The following COL5A1 variants were observed in gnomAD, a reference collection of about 807,000 sequenced individuals.
COL5A1 encodes the protein collagen alpha-1(V) chain.
Under a neutral mutation model 263.7 loss-of-function variants are expected in COL5A1, and 16 were observed. The observed-to-expected ratio is 0.06, with a 90% CI of 0.04 to 0.09. COL5A1 has a LOEUF of 0.09. Among genes scored for constraint, COL5A1 ranks in the 10% least tolerant of loss-of-function variants. The pLI is 1.00. For missense variants in COL5A1, 2,036 were observed against 2,540.5 expected, an observed-to-expected ratio of 0.80 and a Z score of 4.27; for synonymous variants, 1,012 against 1,004.5, an observed-to-expected ratio of 1.01 and a Z score of -0.14.
intron 3 of COL5A1, 75 bp from the exon 4 acceptor site, chr9:134,701,096 G>A (rs140481953): frequency 3.3e-5 from 49 of 1,504,634 alleles, no homozygotes; most frequent in Admixed American, 2.4e-4. Context: ...CCTGTGTCTC[G>A]AGGAATTTGC....
At chr9:134,654,918 G>A (rs1831893043) in intron 1 of COL5A1, among the ~76,000 whole-genome samples, 1 of 118,986 alleles carries the variant, frequency 8.4e-6, no homozygotes, top group Non-Finnish European at 1.8e-5. Flanking sequence ...GGTGTTTGTA[G>A]GGCTGGGGGT....
At chr9:134,661,392 C>T (rs993275756) in intron 1 of COL5A1, among the ~76,000 whole-genome samples, 10 of 151,504 alleles carry the variant, frequency 6.6e-5, no homozygotes, top group South Asian at 4.2e-4. Flanking sequence ...TGCAGCAGGG[C>T]GTGTGTGTGA....
At chr9:134,814,226 A>G (rs558203389) in intron 49 of COL5A1, among the ~76,000 whole-genome samples, 190 bp downstream of exon 49, 4 of 152,348 alleles carry the variant, frequency 2.6e-5, no homozygotes, top group African/African-American at 9.6e-5. Flanking sequence ...ATGTACACGC[A>G]GACCTAGCAA....
At chr9:134,800,405 A>C (rs1336544742) in intron 37 of COL5A1, among the ~76,000 whole-genome samples, 1 of 152,198 alleles carries the variant, frequency 6.6e-6, no homozygotes, top group African/African-American at 2.4e-5. Context: ...TCTAGCCCAC[A>C]GCTGAGCTGG....
chr9:134,767,552 C>T (rs1162140885), intron 24 of COL5A1, among the ~76,000 whole-genome samples, 198 bp downstream of exon 24: 1 of 152,186 alleles, frequency 6.6e-6, no homozygotes, highest in Admixed American at 6.5e-5. Context: ...TTGATTCATA[C>T]GTTTATTCAT....
intron 1 of COL5A1, among the ~76,000 whole-genome samples, chr9:134,644,576 G>A (rs903891376): frequency 5.8e-5 from 8 of 138,362 alleles, no homozygotes; most frequent in African/African-American, 2.3e-4. Context: ...GCTGTCCACT[G>A]GAGAGGCAGG....
At chr9:134,808,153 T>G (rs986451196) in intron 42 of COL5A1, among the ~76,000 whole-genome samples, 1 of 152,324 alleles carries the variant, frequency 6.6e-6, no homozygotes, top group East Asian at 1.9e-4. Context: ...GGAGGAATGG[T>G]AAGACGAAAT....
At chr9:134,731,194 A>T (rs1834866901) in intron 7 of COL5A1, among the ~76,000 whole-genome samples, 1 of 152,160 alleles carries the variant, frequency 6.6e-6, no homozygotes, top group African/African-American at 2.4e-5. Context: ...CCGCCCTGGG[A>T]TGCATTATCG....
At chr9:134,751,157 C>T (rs974858458) in intron 13 of COL5A1, among the ~76,000 whole-genome samples, 2 of 150,086 alleles carry the variant, frequency 1.3e-5, no homozygotes, top group East Asian at 2.0e-4. Context: ...GTAGGGACCC[C>T]GAGAGCGTGT....
At chr9:134,756,965 T>C (rs763841226) in intron 17 of COL5A1, 147 bp downstream of exon 17, 1 of 816,100 alleles carries the variant, frequency 1.2e-6, no homozygotes, top group Non-Finnish European at 2.1e-6. Context: ...GAAGATAGGG[T>C]TGGTGGGTGA....
At chr9:134,701,068 C>A in intron 3 of COL5A1, 103 bp from the exon 4 acceptor site, 1 of 1,207,014 alleles carries the variant, frequency 8.3e-7, no homozygotes, top group Non-Finnish European at 1.2e-6. Context: ...CACGATCGTG[C>A]AGGAAGTGGG....
At chr9:134,749,934 A>C (rs965516212) in intron 11 of COL5A1, among the ~76,000 whole-genome samples, 1 of 152,266 alleles carries the variant, frequency 6.6e-6, no homozygotes, top group Non-Finnish European at 1.5e-5. Flanking sequence ...CTGTGTGGCC[A>C]GGTTGGCTGG....
At chr9:134,797,546 G>A (rs565876744) in intron 36 of COL5A1, among the ~76,000 whole-genome samples, 3 of 152,224 alleles carry the variant, frequency 2.0e-5, no homozygotes, top group Non-Finnish European at 2.9e-5. Context: ...GCATTGGCTC[G>A]ATCTCGGCTC....
At chr9:134,806,909 C>T (rs62571405) in intron 42 of COL5A1, among the ~76,000 whole-genome samples, 3,649 of 152,244 alleles carry the variant, frequency 0.024, 40 homozygotes, top group East Asian at 0.043. Flanking sequence ...GCTGGTAAGC[C>T]CCGAATTTTG....
chr9:134,700,062 C>G lies in COL5A1; in HGVS notation c.431C>G (p.Thr144Arg). ...CCCGTCTTCCTCTACGAGGACCACA[C>G]GGGGAAGCCTGGCCCGGAAGACTAC... ...RSPVFLYEDHTGKPGPEDYPL... is the reference protein window; with the variant it reads ...RSPVFLYEDHRGKPGPEDYPL... Residue 144 changes from threonine to arginine, a missense_variant, in exon 3 of 66, where the codon ACG (threonine) becomes AGG (arginine). Transcript: ENST00000371817. The surrounding 1 kb of genome is among the most constrained non-coding windows in gnomAD (Gnocchi z 4.0). The G allele has an allele frequency of 6.2e-7, 1 of 1,612,772 alleles. No individual in the cohort carries two copies. The highest frequency in any genetic ancestry group is 8.5e-7 in the Non-Finnish European group (1 of 1,180,034).
Position 134,818,925 on chromosome 9 carries a change from G to A in COL5A1, c.4392+24G>A, listed in dbSNP as rs764648034. On this transcript the variant is annotated intron_variant, in intron 56 of 65. Transcript: ENST00000371817. The surrounding 1 kb of genome is among the most constrained non-coding windows in gnomAD (Gnocchi z 6.0). ...TGGTGAGTCACATTCCTCATGGTGAGCATAGCGGGTGGGATGACTTCGCCA... is the reference window on the plus strand; with the variant it reads ...TGGTGAGTCACATTCCTCATGGTGAACATAGCGGGTGGGATGACTTCGCCA... The A allele has an allele frequency of 6.2e-7, 1 of 1,613,184 alleles. No individual in the cohort carries two copies. Among genetic ancestry groups the A allele is most frequent in the African/African-American group, 1.3e-5 (1 of 75,038 alleles).
At chr9:134,790,812 G>T (rs1275903021) in intron 32 of COL5A1, among the ~76,000 whole-genome samples, 2 of 152,010 alleles carry the variant, frequency 1.3e-5, no homozygotes, top group East Asian at 3.9e-4. Context: ...GAAACATGGG[G>T]AATGTGAGGT....
chr9:134,725,736 A>G (rs1834624684), intron 4 of COL5A1, among the ~76,000 whole-genome samples: 1 of 152,088 alleles, frequency 6.6e-6, no homozygotes, highest in African/African-American at 2.4e-5. Context: ...CCGAAAGTTC[A>G]GTTGTTAGCA....
chr9:134,648,123 TC>T (rs1831537391), intron 1 of COL5A1, among the ~76,000 whole-genome samples: 1 of 151,926 alleles, frequency 6.6e-6, no homozygotes, highest in Admixed American at 6.6e-5. Flanking sequence ...TGGCCCAGCC[TC>T]CCAGCCTACA....
Sources: allele counts gnomAD v4.1 joint callset (sites outside exome capture counted in the v4.1 genomes callset), GRCh38; gene constraint gnomAD v4.1.1; non-coding constraint Gnocchi (gnomAD v3.1); transcripts MANE v1.5; gene names NCBI Gene and HGNC (gene_info 2026-07-23, HGNC 2026-07-21).